Variants in NTM observed in about 807,000 individuals in gnomAD.
NTM encodes neurotrimin, also known as IgLON family member 2.
Under a neutral mutation model 42.1 loss-of-function variants are expected in NTM, and 13 were observed. The observed-to-expected ratio is 0.31, with a 90% CI of 0.20 to 0.49. The LOEUF is 0.49. Among genes scored for constraint, NTM ranks in the 20% least tolerant of loss-of-function variants. NTM has a pLI of 0.99. For synonymous variants in NTM, 187 were observed against 179.2 expected (o/e 1.04, Z -0.35); for missense variants, 373 against 452.8 (o/e 0.82, Z 1.60).
Position 131,812,457 on chromosome 11 carries a change from C to A in NTM, c.83-99107C>A, listed in dbSNP as rs566643341. Among the ~76,000 whole-genome samples the A allele has an allele frequency of 1.2e-4, 19 of 152,154 alleles. 1 individual carries two copies. Among genetic ancestry groups the A allele is most frequent in the Non-Finnish European group, 2.2e-4 (15 of 68,040 alleles). ...TTGCCCCCTAACATTAGAATAATGA[C>A]CATGTGGCATTAGAGCCTGCCTTGC... On this transcript the variant is annotated intron_variant, in intron 1 of 8. Transcript: ENST00000683400.
intron 1 of NTM, among the ~76,000 whole-genome samples, chr11:131,640,371 C>T (rs569379592): frequency 4.5e-4 from 69 of 152,290 alleles, no homozygotes; most frequent in African/African-American, 1.5e-3. Context: ...CAAAGGAAGA[C>T]GCAGCCTTTG....
intron 1 of NTM, among the ~76,000 whole-genome samples, chr11:131,775,913 AT>A (rs2086892167): frequency 6.6e-6 from 1 of 152,154 alleles, no homozygotes; most frequent in Non-Finnish European, 1.5e-5. Context: ...GGGATAGTGC[AT>A]TTATTAGGGC....
intron 1 of NTM, among the ~76,000 whole-genome samples, chr11:131,789,541 AGAAGAAAAGAAGAAG>A (rs2090242382): frequency 3.6e-5 from 1 of 27,454 alleles, no homozygotes; most frequent in Non-Finnish European, 6.3e-5. Context: ...AAGAAGAAGA[AGAAGAAAAGAAGAAG>A]AAGAAGAAGA....
intron 1 of NTM, among the ~76,000 whole-genome samples, chr11:131,843,814 T>C (rs1285558728): frequency 6.6e-6 from 1 of 152,206 alleles, no homozygotes; most frequent in African/African-American, 2.4e-5. Flanking sequence ...GCCATTTCAT[T>C]TTCCTCTTAG....
chr11:132,320,562 C>G (rs900298073), intron 7 of NTM, among the ~76,000 whole-genome samples: 1 of 152,202 alleles, frequency 6.6e-6, no homozygotes, highest in African/African-American at 2.4e-5. Context: ...GCACAGCAGT[C>G]TGACATCAAA....
At chr11:132,073,856 T>A (rs2058022034) in intron 2 of NTM, among the ~76,000 whole-genome samples, 1 of 152,144 alleles carries the variant, frequency 6.6e-6, no homozygotes, top group South Asian at 2.1e-4. Flanking sequence ...GCCACAAACC[T>A]GTTTGGGGTT....
chr11:132,309,992 C>T (rs1975613), intron 5 of NTM, 120 bp from the exon 6 acceptor site: 427,776 of 1,220,320 alleles, frequency 0.35, 79,348 homozygotes, highest in Non-Finnish European at 0.38. Context: ...GGAGGCAGAA[C>T]GTGCAGTGAG....
At chr11:132,315,560 A>C (rs2095406957) in intron 7 of NTM, among the ~76,000 whole-genome samples, 1 of 152,158 alleles carries the variant, frequency 6.6e-6, no homozygotes, top group Admixed American at 6.5e-5. Context: ...GTTAACAAGC[A>C]CTCTTGAATG....
chr11:131,651,138 C>A (rs1419247560), intron 1 of NTM, among the ~76,000 whole-genome samples: 2 of 152,154 alleles, frequency 1.3e-5, no homozygotes, highest in Admixed American at 6.5e-5. Context: ...AAGTTTGCTT[C>A]ATAAAAACAA....
At chr11:132,252,313 C>A (rs3099801) in intron 4 of NTM, among the ~76,000 whole-genome samples, 72,490 of 151,794 alleles carry the variant, frequency 0.48, 17,714 homozygotes, top group African/African-American at 0.55. Context: ...GACAGGCATC[C>A]TGTAACAAAT....
At chr11:132,004,634 T>A (rs580044) in intron 2 of NTM, among the ~76,000 whole-genome samples, 22,715 of 104,092 alleles carry the variant, frequency 0.22, 2,993 homozygotes, top group African/African-American at 0.45. Context: ...TCTCTCTCTC[T>A]CACACACACA....
At chr11:131,982,969 C>T (rs1479245987) in intron 2 of NTM, among the ~76,000 whole-genome samples, 1 of 152,028 alleles carries the variant, frequency 6.6e-6, no homozygotes, top group Non-Finnish European at 1.5e-5. Context: ...GAGGAGGGGT[C>T]ATTTCATTAG....
chr11:131,965,364 G>A (rs941347191), intron 2 of NTM, among the ~76,000 whole-genome samples: 6 of 152,130 alleles, frequency 3.9e-5, no homozygotes, highest in East Asian at 1.9e-4. Context: ...AACTTATAGA[G>A]TGAGGCAGAA....
intron 1 of NTM, among the ~76,000 whole-genome samples, chr11:131,801,635 A>G (rs1280727555): frequency 2.0e-5 from 3 of 151,590 alleles, no homozygotes. Context: ...TTTCTTGCAC[A>G]TTTTTGTGTT....
At chr11:132,208,510 AG>A (rs1412317507) in intron 3 of NTM, among the ~76,000 whole-genome samples, 7 of 152,158 alleles carry the variant, frequency 4.6e-5, no homozygotes, top group African/African-American at 1.2e-4. Context: ...TCCAATTATT[AG>A]TGGGGGGAGA....
chr11:131,556,437 T>C (rs1439987682), intron 1 of NTM, among the ~76,000 whole-genome samples: 3 of 152,236 alleles, frequency 2.0e-5, no homozygotes, highest in African/African-American at 4.8e-5. Flanking sequence ...TAAGTCAGAG[T>C]ACCCAAGTTT....
chr11:131,730,829 G>A (rs2875379), intron 1 of NTM, among the ~76,000 whole-genome samples: 24,578 of 151,880 alleles, frequency 0.16, 2,094 homozygotes, highest in Middle Eastern at 0.22. Flanking sequence ...AAGGAGTTCT[G>A]TTAGAATCAA....
chr11:131,423,762 C>T (rs1457114290), intron 1 of NTM, among the ~76,000 whole-genome samples: 1 of 152,154 alleles, frequency 6.6e-6, no homozygotes, highest in Admixed American at 6.5e-5. Flanking sequence ...CAAATCCAAA[C>T]TGACTTGCAG....
At chr11:131,503,548 GGT>G (rs1208459111) in intron 1 of NTM, among the ~76,000 whole-genome samples, 2 of 146,932 alleles carry the variant, frequency 1.4e-5, no homozygotes, top group Non-Finnish European at 3.0e-5. Context: ...TTTGAGACAA[GGT>G]CTTACTCTGT....
Sources: gnomAD v4.1 joint callset for allele counts (sites outside exome capture counted in the v4.1 genomes callset) on GRCh38, gnomAD v4.1.1 for gene constraint, MANE v1.5 for transcripts, NCBI Gene and HGNC (gene_info 2026-07-23, HGNC 2026-07-21) for gene names.